TBC1D1: variants seen among roughly 807,000 people sequenced by gnomAD.
TBC1D1 encodes the protein TBC1 (tre-2/USP6, BUB2, cdc16) domain family, member 1.
In TBC1D1, 89 loss-of-function variants were observed where a neutral mutation model predicts 125.6. The ratio of observed to expected loss-of-function variants is 0.71; its 90% CI spans 0.60 to 0.85. The LOEUF is 0.85. Among genes scored for constraint, TBC1D1 ranks in the 40% least tolerant of loss-of-function variants. TBC1D1 has a pLI of 0.00. For missense variants in TBC1D1, 1,377 were observed against 1,469.2 expected, an observed-to-expected ratio of 0.94 and a Z score of 1.03; for synonymous variants, 565 against 564.1, an observed-to-expected ratio of 1.00 and a Z score of -0.02.
intron 2 of TBC1D1, chr4:37,996,153 A>G (rs1235012280): frequency 2.8e-5 from 12 of 432,900 alleles, no homozygotes; most frequent in Non-Finnish European, 5.1e-5. Context: ...GCCTGAAGAC[A>G]TGTACCTGGG....
chr4:38,095,093 A>G (rs960244055), intron 13 of TBC1D1, among the ~76,000 whole-genome samples: 2 of 152,308 alleles, frequency 1.3e-5, no homozygotes, highest in East Asian at 3.9e-4. Context: ...TGTATTCAAC[A>G]GAGTACGAGG....
chr4:37,995,795 C>A lies in TBC1D1; in HGVS notation c.418-18714C>A. 1.8e-6 allele frequency: 1 copy of A among 541,312 alleles called. No individual in the cohort carries two copies. Among genetic ancestry groups the A allele is most frequent in the South Asian group, 1.4e-5 (1 of 71,676 alleles). 33.5% of individuals were successfully genotyped at this position (541,312 alleles called of 1,614,324 possible). The stretch of plus-strand genomic sequence containing the variant: ...TCCAGCACCTTCTCCTGGATTGCTA[C>A]CCCAAATCATTTGCATCCTCAGTCT... On this transcript the variant is annotated intron_variant, in intron 2 of 19. Transcript: ENST00000261439. The surrounding 1 kb of genome is among the most constrained non-coding windows in gnomAD (Gnocchi z 4.3).
intron 2 of TBC1D1, among the ~76,000 whole-genome samples, chr4:37,957,132 G>A (rs545537925): frequency 1.3e-5 from 2 of 152,212 alleles, no homozygotes; most frequent in East Asian, 3.9e-4. Context: ...TGAGATGGGA[G>A]AACATAAGCC....
intron 2 of TBC1D1, among the ~76,000 whole-genome samples, chr4:37,934,051 C>T (rs913698582): frequency 6.6e-6 from 1 of 152,104 alleles, no homozygotes; most frequent in Non-Finnish European, 1.5e-5. Context: ...CTACACAGGC[C>T]GTGTGTTCTG....
intron 2 of TBC1D1, among the ~76,000 whole-genome samples, chr4:37,908,902 G>A (rs1236811693): frequency 6.6e-6 from 1 of 152,168 alleles, no homozygotes; most frequent in African/African-American, 2.4e-5. Context: ...ATTAAACGTC[G>A]CTGGAGAAGA....
intron 6 of TBC1D1, 24 bp downstream of exon 6, chr4:38,021,742 A>C (rs1744084336): frequency 2.6e-6 from 4 of 1,517,026 alleles, no homozygotes; most frequent in Non-Finnish European, 3.5e-6. Context: ...CCTTTCCAGC[A>C]TGAACACAGT....
chr4:38,127,610 C>G (rs1035992889), intron 18 of TBC1D1, among the ~76,000 whole-genome samples: 1 of 152,130 alleles, frequency 6.6e-6, no homozygotes, highest in East Asian at 1.9e-4. Flanking sequence ...TCTTGAACTC[C>G]TGGCCTCAAG....
At chr4:37,909,393 A>G (rs771948734) in intron 2 of TBC1D1, among the ~76,000 whole-genome samples, 1 of 152,158 alleles carries the variant, frequency 6.6e-6, no homozygotes, top group South Asian at 2.1e-4. Flanking sequence ...TTTACCCATT[A>G]CTAATTTGTT....
At chr4:38,066,387 A>G (rs1297223149) in intron 12 of TBC1D1, among the ~76,000 whole-genome samples, 1 of 151,744 alleles carries the variant, frequency 6.6e-6, no homozygotes, top group Admixed American at 6.6e-5. Context: ...GGAGTACAGT[A>G]AGTAGCACAA....
chr4:37,971,088 G>A (rs1164413058), intron 2 of TBC1D1, among the ~76,000 whole-genome samples: 1 of 152,120 alleles, frequency 6.6e-6, no homozygotes, highest in East Asian at 1.9e-4. Flanking sequence ...GTGGGGATAT[G>A]GTCAGGCTTA....
rs1197009171 is a variant in TBC1D1 at position 37,995,447 on chromosome 4, G to GC, written c.418-19057dup. On this transcript the variant is annotated intron_variant, in intron 2 of 19. Coordinates refer to ENST00000261439, the MANE Select transcript of TBC1D1 (RefSeq NM_015173.4). The surrounding 1 kb of genome is among the most constrained non-coding windows in gnomAD (Gnocchi z 4.3). ...GATACAACCTGAGGTTTCTTTCCCC[G>GC]CCCCCTCACAAAGTATAGATCATTT... The GC allele has an allele frequency of 1.0e-5, 2 of 192,852 alleles. No homozygotes were observed. Among genetic ancestry groups the GC allele is most frequent in the African/African-American group, 4.7e-5 (2 of 42,438 alleles). 11.9% of individuals were successfully genotyped at this position (192,852 alleles called of 1,614,324 possible).
At position 37,985,758 on chromosome 4, in the gene TBC1D1, C is replaced by T. The variant is rs1310978017; in HGVS notation, c.418-28751C>T. Among the ~76,000 whole-genome samples the T allele has an allele frequency of 6.8e-4, 103 of 152,148 alleles. 1 individual carries two copies. The highest frequency in any genetic ancestry group is 6.7e-3 in the Admixed American group (102 of 15,278). ...TACTGAGATGAGTAGGACATGGGCC[C>T]AGCCCTTGAATAGCTTGCAGTCTAA... On this transcript the variant is annotated intron_variant, in intron 2 of 19. Transcript: ENST00000261439.
At chr4:38,051,867 A>AC (rs764190558) in intron 11 of TBC1D1, 32 bp from the exon 12 acceptor site, 56 of 1,516,594 alleles carry the variant, frequency 3.7e-5, no homozygotes, top group Admixed American at 1.2e-4. Flanking sequence ...TCTCCTGCTA[A>AC]CCCCCCCGTG....
intron 12 of TBC1D1, among the ~76,000 whole-genome samples, chr4:38,065,874 T>C (rs1753643219): frequency 6.6e-6 from 1 of 152,130 alleles, no homozygotes; most frequent in Admixed American, 6.6e-5. Flanking sequence ...GGTCTCGAAC[T>C]CCTGACCTCA....
chr4:37,995,698 C>G lies in TBC1D1; in HGVS notation c.418-18811C>G. ...CTTGGAGGCCTTGGCCACAGCATCCCCGTGTTCTGAGAAGTATTTGGAAAT... is the reference window on the plus strand; with the variant it reads ...CTTGGAGGCCTTGGCCACAGCATCCGCGTGTTCTGAGAAGTATTTGGAAAT... On this transcript the variant is annotated intron_variant, in intron 2 of 19. Coordinates refer to ENST00000261439, the MANE Select transcript of TBC1D1 (RefSeq NM_015173.4). This position sits in a 1 kb window ranked among gnomAD's most constrained non-coding sequence, Gnocchi z 4.3. 2 of 523,706 alleles carry G rather than the reference C, an allele frequency of 3.8e-6. No individual in the cohort carries two copies. Among genetic ancestry groups the G allele is most frequent in the Non-Finnish European group, 7.6e-6 (2 of 261,658 alleles). 32.4% of individuals were successfully genotyped at this position (523,706 alleles called of 1,614,324 possible). A position where few individuals can be genotyped will look rare whatever the true frequency, so the allele number is the denominator to read the frequency against.
chr4:38,017,421 ACT>A (rs996969369), intron 3 of TBC1D1, among the ~76,000 whole-genome samples: 73 of 152,306 alleles, frequency 4.8e-4, no homozygotes, highest in African/African-American at 1.6e-3. Flanking sequence ...GCTACCTGCC[ACT>A]CTCTGCTGGC....
At chr4:37,922,729 C>T (rs1321094166) in intron 2 of TBC1D1, among the ~76,000 whole-genome samples, 1 of 152,214 alleles carries the variant, frequency 6.6e-6, no homozygotes, top group Non-Finnish European at 1.5e-5. Flanking sequence ...CTGAATCAAT[C>T]AACAGCACCT....
intron 2 of TBC1D1, among the ~76,000 whole-genome samples, chr4:37,998,236 C>G (rs1474618088): frequency 6.6e-6 from 1 of 152,136 alleles, no homozygotes; most frequent in Non-Finnish European, 1.5e-5. Flanking sequence ...GGGGCAGCGC[C>G]AGGCACTGGG....
At chr4:38,130,406 C>T (rs911507774) in intron 18 of TBC1D1, among the ~76,000 whole-genome samples, 2 of 152,090 alleles carry the variant, frequency 1.3e-5, no homozygotes, top group Admixed American at 6.5e-5. Context: ...TTTATCTTTT[C>T]GGCAAAACAT....
Sources: allele counts gnomAD v4.1 joint callset (sites outside exome capture counted in the v4.1 genomes callset), GRCh38; gene constraint gnomAD v4.1.1; non-coding constraint Gnocchi (gnomAD v3.1); transcripts MANE v1.5; gene names NCBI Gene and HGNC (gene_info 2026-07-23, HGNC 2026-07-21).